The following PDE12 variants were observed in gnomAD, a reference collection of about 807,000 sequenced individuals.
The protein encoded by PDE12 is 2',5'-phosphodiesterase 12.
Under a neutral mutation model 45.4 loss-of-function variants are expected in PDE12, and 26 were observed. The ratio of observed to expected loss-of-function variants is 0.57; its 90% CI spans 0.42 to 0.79. PDE12 has a LOEUF of 0.79. Among genes scored for constraint, PDE12 ranks in the 30% least tolerant of loss-of-function variants. The pLI, the probability that PDE12 is intolerant of heterozygous loss-of-function variation, is 0.00. For missense variants in PDE12, 668 were observed against 790.0 expected (o/e 0.85, Z 1.85); for synonymous variants, 283 against 323.9 (o/e 0.87, Z 1.36).
the PDE12 span, among the ~76,000 whole-genome samples, chr3:57,615,527 A>C: frequency 6.6e-6 from 1 of 152,176 alleles, no homozygotes; most frequent in Non-Finnish European, 1.5e-5. Context: ...GTGAAATTGA[A>C]AGAAAAATAT....
the PDE12 span, among the ~76,000 whole-genome samples, chr3:57,642,975 C>T: frequency 7.1e-6 from 1 of 141,098 alleles, no homozygotes; most frequent in Non-Finnish European, 1.5e-5. Context: ...CATCACACTC[C>T]AACTTGGGGG....
chr3:57,588,940 T>G, the PDE12 span, among the ~76,000 whole-genome samples: 2 of 151,968 alleles, frequency 1.3e-5, no homozygotes, highest in Non-Finnish European at 1.5e-5. Context: ...CCGTCTCTAC[T>G]AAAAATACAA....
At chr3:57,580,783 T>A in the PDE12 span, among the ~76,000 whole-genome samples, 1 of 151,518 alleles carries the variant, frequency 6.6e-6, no homozygotes, top group South Asian at 2.1e-4. Context: ...TCTTTTTTTT[T>A]TTTTTTAAAT....
At chr3:57,623,977 T>A in the PDE12 span, among the ~76,000 whole-genome samples, 2 of 152,258 alleles carry the variant, frequency 1.3e-5, no homozygotes, top group African/African-American at 2.4e-5. Flanking sequence ...CAAAATCTTT[T>A]AAAATTTTTT....
rs912501301 is a variant in PDE12, at chr3:57,561,207, C to T, written c.*1203C>T. ...TTTGACCATATGATATTAGAAAATA[C>T]AGCACATTACTTTATGAGAAACTAC... On this transcript the variant is annotated 3_prime_UTR_variant, in exon 3 of 3. Coordinates refer to ENST00000311180, the MANE Select transcript of PDE12 (RefSeq NM_177966.7). 4.1e-6 allele frequency: 4 copies of T among 984,420 alleles called. No homozygotes were observed. The highest frequency in any genetic ancestry group is 1.2e-4 in the Admixed American group (2 of 16,238). 61.0% of individuals were successfully genotyped at this position (984,420 alleles called of 1,614,324 possible).
rs1473129499 is a variant in PDE12 at position 57,561,579 on chromosome 3, A to G, written c.*1575A>G. ...ACATTATTTATAATGCATTAGCTGT[A>G]TTAGCTGTTGCTTTTTTGATGTTCA... On this transcript the variant is annotated 3_prime_UTR_variant, in exon 3 of 3. Transcript: ENST00000311180. 2.0e-6 allele frequency: 2 copies of G among 984,686 alleles called. No individual in the cohort carries two copies. The highest frequency in any genetic ancestry group is 2.4e-6 in the Non-Finnish European group (2 of 829,432). 61.0% of individuals were successfully genotyped at this position (984,686 alleles called of 1,614,324 possible). A position where few individuals can be genotyped will look rare whatever the true frequency, so the allele number is the denominator to read the frequency against.
the PDE12 span, among the ~76,000 whole-genome samples, chr3:57,593,304 C>G: frequency 6.6e-6 from 1 of 152,044 alleles, no homozygotes; most frequent in Non-Finnish European, 1.5e-5. Flanking sequence ...TACCTGTTTT[C>G]TAAATGTAAC....
At chr3:57,571,022 C>T (rs1021671616), downstream of PDE12, among the ~76,000 whole-genome samples, 2 of 150,430 alleles carry the variant, frequency 1.3e-5, no homozygotes, top group East Asian at 2.0e-4. Context: ...TAAGTAGAGA[C>T]AGGGGAAACA....
At chr3:57,650,524 C>T in the PDE12 span, among the ~76,000 whole-genome samples, 3 of 152,162 alleles carry the variant, frequency 2.0e-5, no homozygotes, top group Non-Finnish European at 2.9e-5. Flanking sequence ...TCAATAAGCA[C>T]ACCAAGTGCC....
the PDE12 span, among the ~76,000 whole-genome samples, chr3:57,620,083 G>A: frequency 1.3e-5 from 2 of 151,974 alleles, no homozygotes; most frequent in Middle Eastern, 3.4e-3. Flanking sequence ...TTAGCTGGGC[G>A]CAGTGGCGGG....
Position 57,556,826 on chromosome 3 carries a change from G to A in PDE12, c.447G>A (p.Gln149=), listed in dbSNP as rs373475581. 78 of 1,613,762 alleles carry A rather than the reference G, an allele frequency of 4.8e-5. No homozygotes were observed. The Middle Eastern group carries it at 4.9e-4, about 10-fold the overall frequency. The change falls in exon 1 of 3, where the codon CAG becomes CAA. Residue 149 remains glutamine, a synonymous_variant. Coordinates refer to ENST00000311180, the MANE Select transcript of PDE12 (RefSeq NM_177966.7). This position sits in a 1 kb window ranked among gnomAD's most constrained non-coding sequence, Gnocchi z 5.0. ...CCTGGCAAGACGGCGCGGTGCTGCA[G>A]ATCGGCGATGTTAAGTACAAGGTGG... ...VDAWQDGAVL[Q]IGDVKYKVER...
downstream of PDE12, among the ~76,000 whole-genome samples, chr3:57,568,068 C>CAAAA (rs11360766): frequency 1.7e-3 from 80 of 47,476 alleles, no homozygotes; most frequent in Non-Finnish European, 2.0e-3. Context: ...GACTCCATCT[C>CAAAA]AAAAAAAAAA....
chr3:57,602,898 C>T, the PDE12 span, among the ~76,000 whole-genome samples: 1 of 152,090 alleles, frequency 6.6e-6, no homozygotes, highest in Non-Finnish European at 1.5e-5. Flanking sequence ...AAAAGTTTCC[C>T]AGTTAGGCCA....
At chr3:57,584,614 C>G in the PDE12 span, 1 of 666,864 alleles carries the variant, frequency 1.5e-6, no homozygotes, top group Non-Finnish European at 2.5e-6. Context: ...TTTCTGATTC[C>G]CAAAGGCAAC....
At chr3:57,621,364 T>G in the PDE12 span, among the ~76,000 whole-genome samples, 2 of 152,168 alleles carry the variant, frequency 1.3e-5, no homozygotes, top group African/African-American at 4.8e-5. Context: ...ATGCAAAACC[T>G]AGAACTGTAA....
At chr3:57,614,308 G>T in the PDE12 span, among the ~76,000 whole-genome samples, 1 of 152,058 alleles carries the variant, frequency 6.6e-6, no homozygotes, top group Non-Finnish European at 1.5e-5. Flanking sequence ...GTCATACAAA[G>T]TATGTTCACA....
the PDE12 span, among the ~76,000 whole-genome samples, chr3:57,653,701 G>A: frequency 6.9e-6 from 1 of 144,632 alleles, no homozygotes; most frequent in Non-Finnish European, 1.5e-5. Flanking sequence ...AGCCGAGATC[G>A]CACCACTGCA....
At position 57,564,348 on chromosome 3, in the gene PDE12, A is replaced by T. The variant is rs1266171481; in HGVS notation, c.*4344A>T. 1 of 152,218 alleles carries T rather than the reference A, an allele frequency of 6.6e-6. No homozygotes were observed. Among genetic ancestry groups the T allele is most frequent in the East Asian group, 1.9e-4 (1 of 5,204 alleles). The allele number at this position is 152,218 out of a possible 1,614,324, so 9.4% of individuals were successfully genotyped here. On this transcript the variant is annotated 3_prime_UTR_variant, in exon 3 of 3. Coordinates refer to ENST00000311180, the MANE Select transcript of PDE12 (RefSeq NM_177966.7). ...AATCCATGTTCATACTGTCAGTGTT[A>T]GATTTTTACTCATAATTTAAAATTT... is the stretch of plus-strand genomic sequence containing the variant.
the PDE12 span, chr3:57,628,452 A>T: frequency 7.1e-7 from 1 of 1,410,474 alleles, no homozygotes; most frequent in East Asian, 2.4e-5. Flanking sequence ...AGATACTTTC[A>T]GTCTTAGACC....
Sources: gnomAD v4.1 joint callset for allele counts (sites outside exome capture counted in the v4.1 genomes callset) on GRCh38, gnomAD v4.1.1 for gene constraint, Gnocchi (gnomAD v3.1) non-coding constraint, MANE v1.5 for transcripts, NCBI Gene and HGNC (gene_info 2026-07-23, HGNC 2026-07-21) for gene names.